Variants in RABGGTB observed in about 807,000 individuals in gnomAD.
RABGGTB encodes the protein Rab geranylgeranyltransferase subunit beta.
In RABGGTB, 20 loss-of-function variants were observed where a neutral mutation model predicts 44.5. That is an observed-to-expected ratio of 0.45 (90% CI 0.32 to 0.65). RABGGTB has a LOEUF of 0.65. RABGGTB is among the 30% of genes least tolerant of loss of function. The probability of loss-of-function intolerance (pLI) is 0.05; values close to 1 mark genes in which losing one functional copy is unlikely to be tolerated. For missense variants in RABGGTB, 302 were observed against 398.7 expected (o/e 0.76, Z 2.06); for synonymous variants, 128 against 136.7 (o/e 0.94, Z 0.44).
intron 4 of RABGGTB, chr1:75,790,372 C>G: frequency 8.4e-7 from 1 of 1,191,970 alleles, no homozygotes; most frequent in Non-Finnish European, 1.0e-6. Flanking sequence ...AAAAACTTTA[C>G]AAACTTGCTG....
In RABGGTB at chr1:75,791,283, A is replaced by G; in HGVS notation, c.416-2A>G. On this transcript the variant is annotated splice_acceptor_variant, in intron 4 of 8. Coordinates refer to ENST00000319942, the MANE Select transcript of RABGGTB (RefSeq NM_004582.4). LOFTEE classifies it high-confidence loss of function. ...CCTTGATTTGATCTATTTTTATTGT[A>G]GGAGAAATTGACACAAGATTCTCTT... 2 of 1,607,438 alleles carry G rather than the reference A, an allele frequency of 1.2e-6. No homozygotes were observed. Among genetic ancestry groups the G allele is most frequent in the Non-Finnish European group, 1.7e-6 (2 of 1,173,966 alleles).
chr1:75,790,131 A>G (rs1324057308), intron 4 of RABGGTB, 74 bp downstream of exon 4: 14 of 1,587,416 alleles, frequency 8.8e-6, no homozygotes, highest in Non-Finnish European at 1.2e-5. Flanking sequence ...TAACCAGTTT[A>G]TAAGTTTTTC....
rs1649663037 is a variant in RABGGTB, at chr1:75,792,228, A to G, written c.627A>G (p.Gln209=). 3 of 1,613,910 alleles carry G rather than the reference A, an allele frequency of 1.9e-6. No individual in the cohort carries two copies. Among genetic ancestry groups the G allele is most frequent in the East Asian group, 4.5e-5 (2 of 44,892 alleles). ...GFLAITSQLH[Q]VNSDLLGWWL... ...TGGCAATTACAAGTCAGTTGCATCA[A>G]GTAAATTCTGATTTACTTGGCTGGT... The change falls in exon 7 of 9, where the codon CAA becomes CAG. Residue 209 remains glutamine (Q), a synonymous_variant. Coordinates refer to ENST00000319942, the MANE Select transcript of RABGGTB (RefSeq NM_004582.4).
At chr1:75,790,463 G>T in intron 4 of RABGGTB, 1 of 1,055,274 alleles carries the variant, frequency 9.5e-7, no homozygotes, top group Non-Finnish European at 1.1e-6. Flanking sequence ...CACAGTGCAG[G>T]CCAGAGAGAC....
intron 2 of RABGGTB, 49 bp from the exon 3 acceptor site, chr1:75,789,110 C>G: frequency 6.5e-7 from 1 of 1,542,914 alleles, no homozygotes; most frequent in South Asian, 1.1e-5. Context: ...CTCTTTATAA[C>G]TTGTTACCAG....
chr1:75,787,697 C>G, intron 2 of RABGGTB, 93 bp downstream of exon 2: 1 of 976,262 alleles, frequency 1.0e-6, no homozygotes, highest in Non-Finnish European at 1.6e-6. Flanking sequence ...AAATGGCATC[C>G]AACTCCATGC....
Position 75,794,065 on chromosome 1 carries a change from C to T in RABGGTB, c.706-19C>T. 1.3e-6 allele frequency: 2 copies of T among 1,543,378 alleles called. No homozygotes were observed. Among genetic ancestry groups the T allele is most frequent in the East Asian group, 2.3e-5 (1 of 44,264 alleles). ...GAAATAAAAGAGAATGAAATTGTGG[C>T]AACTTTTTTCCCTCCTAGTTACCAG... On this transcript the variant is annotated intron_variant, in intron 7 of 8. Transcript: ENST00000319942.
intron 3 of RABGGTB, chr1:75,789,650 G>A (rs1649598201): frequency 1.6e-6 from 1 of 609,262 alleles, no homozygotes; most frequent in Non-Finnish European, 3.0e-6. Flanking sequence ...GTGGTTTAAA[G>A]TCTTTCTGGT....
intron 7 of RABGGTB, chr1:75,793,799 T>C (rs973236894): frequency 2.4e-5 from 7 of 288,432 alleles, no homozygotes; most frequent in African/African-American, 1.5e-4. Context: ...TCATTGCAGA[T>C]AGAAACAAAG....
At position 75,789,166 on chromosome 1, in the gene RABGGTB, G is replaced by A; in HGVS notation, c.119G>A (p.Cys40Tyr). The change falls in exon 3 of 9, where the codon TGT becomes TAT. Residue 40 changes from cysteine (C) to tyrosine (Y), a missense_variant. Cys to Tyr is a radical substitution (Grantham distance 194, BLOSUM62 -2). Coordinates refer to ENST00000319942, the MANE Select transcript of RABGGTB (RefSeq NM_004582.4). ...AATTGTGTATTATTTTAGGAATACT[G>A]TATGTCTGAGTATTTGAGAATGAGT... ...YGSKKDDYEY[C>Y]MSEYLRMSGI... 6.2e-7 allele frequency: 1 copy of A among 1,612,870 alleles called. No individual in the cohort carries two copies. The highest frequency in any genetic ancestry group is 8.5e-7 in the Non-Finnish European group (1 of 1,178,876).
chr1:75,789,831 T>C, intron 3 of RABGGTB, 121 bp from the exon 4 acceptor site: 2 of 703,440 alleles, frequency 2.8e-6, no homozygotes, highest in Non-Finnish European at 4.8e-6. Flanking sequence ...TCTGCATATT[T>C]GAGAAAAGGT....
intron 3 of RABGGTB, 74 bp from the exon 4 acceptor site, chr1:75,789,878 T>A (rs568554180): frequency 9.9e-5 from 112 of 1,133,472 alleles, no homozygotes; most frequent in Non-Finnish European, 1.3e-4. Context: ...CTTGACAACT[T>A]AAAAAGAGTT....
intron 3 of RABGGTB, 23 bp from the exon 4 acceptor site, chr1:75,789,929 C>T (rs1444286800): frequency 1.3e-6 from 2 of 1,533,572 alleles, no homozygotes; most frequent in South Asian, 1.1e-5. Flanking sequence ...GGGACATTTA[C>T]CTAATACTTG....
chr1:75,789,545 C>T (rs753486664), intron 3 of RABGGTB, 189 bp downstream of exon 3: 3 of 776,454 alleles, frequency 3.9e-6, no homozygotes, highest in Non-Finnish European at 7.0e-6. Flanking sequence ...TACACTGAGA[C>T]CTTGGAGGGT....
At chr1:75,792,791 T>G (rs1172790534) in intron 7 of RABGGTB, among the ~76,000 whole-genome samples, 1 of 152,098 alleles carries the variant, frequency 6.6e-6, no homozygotes, top group East Asian at 1.9e-4. Flanking sequence ...AATGAATGAG[T>G]ATGGCTGTGT....
intron 2 of RABGGTB, 73 bp from the exon 3 acceptor site, chr1:75,789,086 C>T (rs1649579453): frequency 7.2e-7 from 1 of 1,384,046 alleles, no homozygotes; most frequent in Non-Finnish European, 1.0e-6. Context: ...TAATGAGTTA[C>T]CTTTGTGTTT....
chr1:75,788,888 A>T lies in RABGGTB; in HGVS notation c.112-271A>T, dbSNP rs138355456. ...GTAGATGTTTTTCTGTCTCTGGCTCATGGGAGAAACTAAAGCACTGTTTGT... is the reference window on the plus strand; with the variant it reads ...GTAGATGTTTTTCTGTCTCTGGCTCTTGGGAGAAACTAAAGCACTGTTTGT... On this transcript the variant is annotated intron_variant, in intron 2 of 8. Transcript: ENST00000319942. 8 of 444,372 alleles carry T rather than the reference A, an allele frequency of 1.8e-5. No individual in the cohort carries two copies. The Admixed American group carries it at 3.2e-4, about 18-fold the overall frequency. 27.5% of individuals were successfully genotyped at this position (444,372 alleles called of 1,614,324 possible). A position where few individuals can be genotyped will look rare whatever the true frequency, so the allele number is the denominator to read the frequency against.
At chr1:75,786,355 A>C in intron 1 of RABGGTB, 81 bp downstream of exon 1, 1 of 1,568,884 alleles carries the variant, frequency 6.4e-7, no homozygotes, top group Non-Finnish European at 8.8e-7. Context: ...TGGTCACCTT[A>C]GGATTGGTTT....
At chr1:75,790,923 C>T (rs1570929943) in intron 4 of RABGGTB, among the ~76,000 whole-genome samples, 1 of 152,116 alleles carries the variant, frequency 6.6e-6, no homozygotes, top group African/African-American at 2.4e-5. Context: ...GATTTCAGGC[C>T]TGAGCCACAA....
Sources: gnomAD v4.1 joint callset for allele counts (sites outside exome capture counted in the v4.1 genomes callset) on GRCh38, gnomAD v4.1.1 for gene constraint, MANE v1.5 for transcripts, NCBI Gene and HGNC (gene_info 2026-07-23, HGNC 2026-07-21) for gene names.